The following ALK variants were observed in gnomAD, a reference collection of about 807,000 sequenced individuals.
ALK encodes the protein ALK tyrosine kinase receptor.
ALK carries 74 observed loss-of-function variants against 163.1 expected under a neutral mutation model. The observed-to-expected ratio is 0.45, with a 90% confidence interval of 0.38 to 0.55. The LOEUF (loss-of-function observed/expected upper bound fraction) is 0.55, where lower values mean the gene tolerates loss of function less well. ALK is among the 20% of genes least tolerant of loss of function. The pLI, the probability that ALK is intolerant of heterozygous loss-of-function variation, is 0.00. For synonymous variants in ALK, 960 were observed against 843.2 expected, an observed-to-expected ratio of 1.14 and a Z score of -2.40; for missense variants, 2,063 against 2,105.3, an observed-to-expected ratio of 0.98 and a Z score of 0.39.
At chr2:29,328,083 A>G (rs1667326937) in intron 6 of ALK, among the ~76,000 whole-genome samples, 1 of 152,088 alleles carries the variant, frequency 6.6e-6, no homozygotes, top group Admixed American at 6.5e-5. Context: ...TATCCTGCAC[A>G]TTTTCTCTGT....
chr2:29,775,217 T>C (rs79921190), intron 1 of ALK, among the ~76,000 whole-genome samples: 1 of 152,184 alleles, frequency 6.6e-6, no homozygotes, highest in African/African-American at 2.4e-5. Flanking sequence ...ATGAATTAGA[T>C]GGGGATTTGA....
chr2:29,280,020 A>G (rs1471930085), intron 9 of ALK, among the ~76,000 whole-genome samples: 2 of 151,696 alleles, frequency 1.3e-5, no homozygotes, highest in Non-Finnish European at 2.9e-5. Context: ...AAATTCTGTT[A>G]TATACCAGGT....
intron 24 of ALK, among the ~76,000 whole-genome samples, chr2:29,211,565 T>C (rs1417313213): frequency 1.3e-5 from 2 of 152,180 alleles, no homozygotes; most frequent in Admixed American, 1.3e-4. Flanking sequence ...AATGGAAGCA[T>C]GTGGATCTGG....
chr2:29,496,062 C>T (rs564039688), intron 4 of ALK, among the ~76,000 whole-genome samples: 80 of 152,232 alleles, frequency 5.3e-4, no homozygotes, highest in African/African-American at 1.8e-3. Flanking sequence ...CGCCTTTTTC[C>T]CATGTCAGTT....
At chr2:29,423,157 A>G (rs769444861) in intron 4 of ALK, among the ~76,000 whole-genome samples, 1 of 152,196 alleles carries the variant, frequency 6.6e-6, no homozygotes, top group East Asian at 1.9e-4. Context: ...CTTAGCTATA[A>G]CGGAACTAAG....
At chr2:29,658,412 G>A (rs1677252121) in intron 3 of ALK, among the ~76,000 whole-genome samples, 1 of 152,084 alleles carries the variant, frequency 6.6e-6, no homozygotes, top group Non-Finnish European at 1.5e-5. Flanking sequence ...CTAACTACCT[G>A]CATGGAAAGA....
intron 3 of ALK, among the ~76,000 whole-genome samples, chr2:29,593,848 G>C (rs1675129187): frequency 6.6e-6 from 1 of 152,236 alleles, no homozygotes; most frequent in South Asian, 2.1e-4. Context: ...TTGAGCTGAA[G>C]CTGACAGTAC....
In ALK at chr2:29,328,459, C is replaced by T; in HGVS notation, c.1305G>A (p.Met435Ile). The T allele has an allele frequency of 6.2e-7, 1 of 1,614,206 alleles. No homozygotes were observed. Among genetic ancestry groups the T allele is most frequent in the Non-Finnish European group, 8.5e-7 (1 of 1,180,020 alleles). The change falls in exon 6 of 29, where the codon ATG (methionine) becomes ATA (isoleucine). Residue 435 changes from methionine (M) to isoleucine (I), a missense_variant. This residue lies in a region of ALK where 987 missense variants were observed against 939.5 expected (regional missense o/e 1.05). Coordinates refer to ENST00000389048, the MANE Select transcript of ALK (RefSeq NM_004304.5). ...AACAAGTGAAGGAGCTCTGCAGGGC[C>T]ATCTTGGAGCCTGGGGATGTTCCTG... ...CSEGTSPGSKMALQSSFTCWN... is the reference protein window; with the variant it reads ...CSEGTSPGSKIALQSSFTCWN...
Position 29,770,551 on chromosome 2 carries a change from T to C in ALK, c.668-52854A>G, listed in dbSNP as rs188465295. Among the ~76,000 whole-genome samples, 4 of 152,252 alleles carry C rather than the reference T, an allele frequency of 2.6e-5. No individual in the cohort carries two copies. In the East Asian group the frequency reaches 7.7e-4, roughly 29 times the overall value. On this transcript the variant is annotated intron_variant, in intron 1 of 28. Transcript: ENST00000389048. ...AGCAAACGGGATAAAAGCAACCAAA[T>C]AAGAATTATGTAAGAAAAACATTTT... is the stretch of plus-strand genomic sequence containing the variant.
chr2:29,372,456 C>G (rs1668660047), intron 5 of ALK, among the ~76,000 whole-genome samples: 1 of 152,188 alleles, frequency 6.6e-6, no homozygotes, highest in South Asian at 2.1e-4. Context: ...TAATGAAGAG[C>G]CGCCAAGGCC....
At chr2:29,420,291 A>T (rs1351504583) in intron 4 of ALK, among the ~76,000 whole-genome samples, 1 of 151,556 alleles carries the variant, frequency 6.6e-6, no homozygotes, top group Non-Finnish European at 1.5e-5. Flanking sequence ...GACTAAAGCT[A>T]GTCAGTAGAC....
At chr2:29,868,962 T>C (rs1051429667) in intron 1 of ALK, among the ~76,000 whole-genome samples, 1 of 152,168 alleles carries the variant, frequency 6.6e-6, no homozygotes, top group African/African-American at 2.4e-5. Flanking sequence ...TGCAGAGACC[T>C]CATACAGGTA....
intron 3 of ALK, among the ~76,000 whole-genome samples, chr2:29,605,246 T>A (rs536706042): frequency 6.6e-6 from 1 of 152,308 alleles, no homozygotes; most frequent in South Asian, 2.1e-4. Flanking sequence ...TATGAGAATT[T>A]AATGCCACCA....
At chr2:29,699,215 C>T (rs922450776) in intron 2 of ALK, among the ~76,000 whole-genome samples, 2 of 152,124 alleles carry the variant, frequency 1.3e-5, no homozygotes, top group South Asian at 2.1e-4. Flanking sequence ...TCCACACCCA[C>T]CCAGGGGCAG....
intron 1 of ALK, among the ~76,000 whole-genome samples, chr2:29,773,981 G>T (rs923673223): frequency 1.1e-4 from 16 of 152,226 alleles, no homozygotes; most frequent in Admixed American, 5.9e-4. Context: ...AGTCTGTTGT[G>T]GAAAAGTTCT....
intron 4 of ALK, among the ~76,000 whole-genome samples, chr2:29,516,207 GAATGA>G (rs1273215022): frequency 6.6e-6 from 1 of 152,160 alleles, no homozygotes; most frequent in African/African-American, 2.4e-5. Context: ...CCTATGAATA[GAATGA>G]AACAACTCCT....
intron 11 of ALK, among the ~76,000 whole-genome samples, chr2:29,257,506 G>A (rs1440440925): frequency 6.6e-6 from 1 of 152,088 alleles, no homozygotes; most frequent in Non-Finnish European, 1.5e-5. Context: ...GATTGTCCTG[G>A]TTTTATTACT....
intron 1 of ALK, among the ~76,000 whole-genome samples, chr2:29,909,723 A>G (rs1489815613): frequency 6.6e-6 from 1 of 152,192 alleles, no homozygotes; most frequent in Non-Finnish European, 1.5e-5. Context: ...ACCAGAGAGG[A>G]GAGACCTCAT....
intron 3 of ALK, among the ~76,000 whole-genome samples, chr2:29,653,694 T>G (rs1430410394): frequency 2.0e-5 from 3 of 151,982 alleles, no homozygotes; most frequent in Non-Finnish European, 4.4e-5. Flanking sequence ...GGTAAAGGAA[T>G]GGGAGAAGAT....
Sources: allele counts gnomAD v4.1 joint callset (sites outside exome capture counted in the v4.1 genomes callset), GRCh38; gene constraint gnomAD v4.1.1; regional missense constraint gnomAD v4.1.1; transcripts MANE v1.5; gene names NCBI Gene and HGNC (gene_info 2026-07-23, HGNC 2026-07-21).